The following AGO1 variants were observed in gnomAD, a reference collection of about 807,000 sequenced individuals.
The protein encoded by AGO1 is argonaute RISC component 1, also known as protein argonaute-1.
AGO1 carries 11 observed loss-of-function variants against 109.2 expected under a neutral mutation model. That is an observed-to-expected ratio of 0.10 (90% CI 0.06 to 0.17). The LOEUF (loss-of-function observed/expected upper bound fraction) is 0.17, where lower values mean the gene tolerates loss of function less well. Ranked by LOEUF, AGO1 falls within the 10% of genes least tolerant of loss-of-function variation. The probability of loss-of-function intolerance (pLI) is 1.00; values close to 1 mark genes in which losing one functional copy is unlikely to be tolerated. For synonymous variants in AGO1, 422 were observed against 418.6 expected (o/e 1.01, Z -0.10); for missense variants, 574 against 1,140.3 (o/e 0.50, Z 7.15).
upstream of AGO1, chr1:35,883,163 T>C (rs1022354229): frequency 4.4e-6 from 5 of 1,140,232 alleles, no homozygotes; most frequent in Admixed American, 1.5e-4. The surrounding 1 kb of genome is among the most constrained non-coding windows in gnomAD (Gnocchi z 5.4). Flanking sequence ...GCGCCCCGCT[T>C]GACTCGTTCC....
At position 35,895,227 on chromosome 1, in the gene AGO1, A is replaced by G; in HGVS notation, c.978A>G (p.Leu326=). 2 of 1,614,010 alleles carry G rather than the reference A, an allele frequency of 1.2e-6. No homozygotes were observed. Among genetic ancestry groups the G allele is most frequent in the Non-Finnish European group, 1.7e-6 (2 of 1,179,946 alleles). Residue 326 remains leucine, a synonymous_variant, in exon 8 of 19, where the codon CTA becomes CTG. Coordinates refer to ENST00000373204, the MANE Select transcript of AGO1 (RefSeq NM_012199.5). The stretch of plus-strand genomic sequence containing the variant: ...TCAAGTATCCCCATCTGCCCTGCCT[A>G]CAAGTTGGCCAGGAACAAAAGCATA... ...LQLKYPHLPC[L]QVGQEQKHTY...
Position 35,917,740 on chromosome 1 carries a change from C to T in AGO1, c.2163+13C>T, listed in dbSNP as rs755705247. 1.9e-6 allele frequency: 3 copies of T among 1,609,318 alleles called. No individual in the cohort carries two copies. Among genetic ancestry groups the T allele is most frequent in the African/African-American group, 2.7e-5 (2 of 74,982 alleles). On this transcript the variant is annotated intron_variant, in intron 16 of 18. Transcript: ENST00000373204. ...CAAGAATGAGCGAGTGAGTGAGGGA[C>T]TGAGGCCTCCCATCCCCTCCTTCTG...
intron 12 of AGO1, among the ~76,000 whole-genome samples, chr1:35,912,226 G>A (rs2148721982): frequency 6.6e-6 from 1 of 152,126 alleles, no homozygotes; most frequent in East Asian, 1.9e-4. Context: ...GGACATGGTG[G>A]CGGGCACCTG....
In AGO1 at chr1:35,901,209, G is replaced by A. The variant is rs1645410504; in HGVS notation, c.1021-265G>A. ...TGGTCTTGAACTCCTGACCTCAAGT[G>A]ATCTGGCCGCCTTGGCCTCCTAAGG... On this transcript the variant is annotated intron_variant, in intron 8 of 18. Transcript: ENST00000373204. The surrounding 1 kb of genome is among the most constrained non-coding windows in gnomAD (Gnocchi z 4.8). 6.6e-6 allele frequency among the ~76,000 whole-genome samples: 1 copy of A among 152,152 alleles called. No individual in the cohort carries two copies. The highest frequency in any genetic ancestry group is 1.5e-5 in the Non-Finnish European group (1 of 68,030).
At chr1:35,871,945 C>CT (rs1644954717) in intron 1 of AGO1, among the ~76,000 whole-genome samples, 1 of 150,944 alleles carries the variant, frequency 6.6e-6, no homozygotes, top group Non-Finnish European at 1.5e-5. Flanking sequence ...TGGCGGGCGC[C>CT]TGTAGTCCCA....
At chr1:35,891,324 C>CT (rs897685916) in intron 2 of AGO1, among the ~76,000 whole-genome samples, 15 of 152,034 alleles carry the variant, frequency 9.9e-5, no homozygotes, top group Admixed American at 9.2e-4. Flanking sequence ...ACCCTGGGGT[C>CT]TAAGTTTCAG....
Position 35,919,135 on chromosome 1 carries a change from C to T in AGO1, c.2346C>T (p.Tyr782=), listed in dbSNP as rs1282516031. Residue 782 remains tyrosine (Y), a synonymous_variant, in exon 18 of 19, where the codon TAC becomes TAT. Coordinates refer to ENST00000373204, the MANE Select transcript of AGO1 (RefSeq NM_012199.5). The surrounding 1 kb of genome is among the most constrained non-coding windows in gnomAD (Gnocchi z 6.6). ...CAGATGAGCTCCAGATCCTGACGTA[C>T]CAGCTGTGCCACACTTACGTACGAT... The part of the protein sequence containing the change: ...FTADELQILT[Y]QLCHTYVRCT... The T allele has an allele frequency of 1.2e-6, 2 of 1,614,200 alleles. No individual in the cohort carries two copies. The highest frequency in any genetic ancestry group is 3.3e-5 in the Admixed American group (2 of 60,018).
Position 35,894,346 on chromosome 1 carries a change from G to C in AGO1, c.816G>C (p.Gln272His). 2 of 1,614,240 alleles carry C rather than the reference G, an allele frequency of 1.2e-6. No individual in the cohort carries two copies. Among genetic ancestry groups the C allele is most frequent in the Non-Finnish European group, 1.7e-6 (2 of 1,180,042 alleles). ...AGGTGGAAGTCACCCACTGTGGACA[G>C]ATGAAGAGGAAGTACCGCGTGTGTA... ...GLKVEVTHCGQMKRKYRVCNV... is the reference protein window; with the variant it reads ...GLKVEVTHCGHMKRKYRVCNV... The change falls in exon 7 of 19, where the codon CAG (glutamine) becomes CAC (histidine). Residue 272 changes from glutamine to histidine, a missense_variant. Physicochemically the swap from Gln to His is conservative, Grantham distance 24. Transcript: ENST00000373204.
In AGO1 at chr1:35,925,958, G is replaced by A. The variant is rs1457711634; in HGVS notation, c.*6351G>A. 1.3e-5 allele frequency: 2 copies of A among 152,182 alleles called. No individual in the cohort carries two copies. Among genetic ancestry groups the A allele is most frequent in the Non-Finnish European group, 2.9e-5 (2 of 68,030 alleles). The allele number at this position is 152,182 out of a possible 1,614,324, so 9.4% of individuals were successfully genotyped here. ...AGCATTCCTCTGGAGGCCAAGTGTT[G>A]TAAATTGGCCTGTGGCTATCATCTG... On this transcript the variant is annotated 3_prime_UTR_variant, in exon 19 of 19. Transcript: ENST00000373204.
In AGO1 at chr1:35,923,347, A is replaced by G. The variant is rs1339192698; in HGVS notation, c.*3740A>G. ...ATGGGCAGCCAAGGGTGCACTGACT[A>G]TTAGCTGGCCCATAGGATATCTGTA... On this transcript the variant is annotated 3_prime_UTR_variant, in exon 19 of 19. Coordinates refer to ENST00000373204, the MANE Select transcript of AGO1 (RefSeq NM_012199.5). The G allele has an allele frequency of 6.6e-6, 1 of 152,176 alleles. No individual in the cohort carries two copies. The highest frequency in any genetic ancestry group is 1.5e-5 in the Non-Finnish European group (1 of 68,016). 9.4% of individuals were successfully genotyped at this position (152,176 alleles called of 1,614,324 possible).
intron 14 of AGO1, 74 bp from the exon 15 acceptor site, chr1:35,915,274 G>T: frequency 7.2e-7 from 1 of 1,380,654 alleles, no homozygotes. Context: ...TTGCTAAGAA[G>T]CCTTTCCACA....
chr1:35,899,641 G>A (rs552284710), intron 8 of AGO1, among the ~76,000 whole-genome samples: 3 of 152,306 alleles, frequency 2.0e-5, no homozygotes, highest in East Asian at 1.9e-4. Context: ...TTTTCATTAC[G>A]TGAATTGACT....
chr1:35,869,896 A>ATAT (rs1305561337), exon 1 of AGO1: 1 of 152,204 alleles, frequency 6.6e-6, no homozygotes, highest in African/African-American at 2.4e-5. Flanking sequence ...TTGGAGGACT[A>ATAT]TATTCAGGCA....
At chr1:35,899,768 G>A (rs1448042896) in intron 8 of AGO1, among the ~76,000 whole-genome samples, 1 of 152,208 alleles carries the variant, frequency 6.6e-6, no homozygotes, top group Non-Finnish European at 1.5e-5. Flanking sequence ...TGTAAAGAAT[G>A]TTGGCCCTAT....
At chr1:35,912,389 C>G (rs1455456010) in intron 12 of AGO1, among the ~76,000 whole-genome samples, 1 of 149,036 alleles carries the variant, frequency 6.7e-6, no homozygotes, top group Admixed American at 6.7e-5. Context: ...AAAAAGCATG[C>G]CTTCAACTAC....
chr1:35,884,008 G>T (rs1396811150), intron 1 of AGO1, among the ~76,000 whole-genome samples: 2 of 152,236 alleles, frequency 1.3e-5, no homozygotes, highest in Non-Finnish European at 2.9e-5. Flanking sequence ...GGAGGCTCCA[G>T]AGCATGCGCG....
chr1:35,913,802 A>G, intron 12 of AGO1, 40 bp from the exon 13 acceptor site: 1 of 1,600,468 alleles, frequency 6.2e-7, no homozygotes, highest in Non-Finnish European at 8.5e-7. Flanking sequence ...TTCAGTAAAT[A>G]TTTGTTGAAT....
chr1:35,877,827 G>A (rs1349153225), intron 1 of AGO1, among the ~76,000 whole-genome samples: 1 of 151,834 alleles, frequency 6.6e-6, no homozygotes, highest in African/African-American at 2.4e-5. Context: ...CCCAGTAGCT[G>A]AGTAGCAGGC....
Position 35,883,384 on chromosome 1 carries a change from A to T in AGO1, c.-38A>T. 6.3e-7 allele frequency: 1 copy of T among 1,581,868 alleles called. No individual in the cohort carries two copies. Among genetic ancestry groups the T allele is most frequent in the Middle Eastern group, 1.8e-4 (1 of 5,620 alleles). On this transcript the variant is annotated 5_prime_UTR_variant, in exon 1 of 19. Transcript: ENST00000373204. The surrounding 1 kb of genome is among the most constrained non-coding windows in gnomAD (Gnocchi z 5.4). Reference sequence around the variant, plus strand: ...CTAGGCCCCTCACGCTGGACTTCACAGTCTCCGGGCCGCCTGACCTCCGCA... The same window carrying T: ...CTAGGCCCCTCACGCTGGACTTCACTGTCTCCGGGCCGCCTGACCTCCGCA...
Sources: allele counts gnomAD v4.1 joint callset (sites outside exome capture counted in the v4.1 genomes callset), GRCh38; gene constraint gnomAD v4.1.1; non-coding constraint Gnocchi (gnomAD v3.1); transcripts MANE v1.5; gene names NCBI Gene and HGNC (gene_info 2026-07-23, HGNC 2026-07-21).